The following NCALD variants were observed in gnomAD, a reference collection of about 807,000 sequenced individuals.
NCALD encodes the protein neurocalcin delta.
Under a neutral mutation model 18.6 loss-of-function variants are expected in NCALD, and 10 were observed. The ratio of observed to expected loss-of-function variants is 0.54; its 90% CI spans 0.33 to 0.91. The LOEUF (loss-of-function observed/expected upper bound fraction) is 0.91, where lower values mean the gene tolerates loss of function less well. Among genes scored for constraint, NCALD ranks in the 40% least tolerant of loss-of-function variants. The pLI, the probability that NCALD is intolerant of heterozygous loss-of-function variation, is 0.03. For synonymous variants in NCALD, 88 were observed against 87.4 expected (o/e 1.01, Z -0.04); for missense variants, 184 against 247.6 (o/e 0.74, Z 1.72).
chr8:102,072,457 A>T (rs1824208444), intron 1 of NCALD, among the ~76,000 whole-genome samples: 1 of 152,122 alleles, frequency 6.6e-6, no homozygotes, highest in African/African-American at 2.4e-5. Flanking sequence ...ATAGTCAACC[A>T]TTTTTCAACC....
chr8:101,718,677 C>G (rs1258936147), intron 2 of NCALD, among the ~76,000 whole-genome samples: 3 of 152,172 alleles, frequency 2.0e-5, no homozygotes, highest in Non-Finnish European at 4.4e-5. Context: ...AAGGCTCCCC[C>G]AATCATCTGA....
intron 2 of NCALD, among the ~76,000 whole-genome samples, chr8:101,929,754 C>T (rs1408762694): frequency 6.6e-6 from 1 of 151,928 alleles, no homozygotes; most frequent in Non-Finnish European, 1.5e-5. Flanking sequence ...TATACAAATA[C>T]AGACCTCTTT....
chr8:102,122,948 C>T (rs528735263), intron 1 of NCALD, among the ~76,000 whole-genome samples: 2 of 152,228 alleles, frequency 1.3e-5, no homozygotes, highest in Admixed American at 1.3e-4. Flanking sequence ...ATTTCAGTTT[C>T]TTGAGCCTCC....
At chr8:101,790,651 A>G (rs1469388469) in intron 1 of NCALD, among the ~76,000 whole-genome samples, 1 of 152,198 alleles carries the variant, frequency 6.6e-6, no homozygotes, top group Non-Finnish European at 1.5e-5. Context: ...CAAGACGATT[A>G]TATTTTAACC....
chr8:102,054,561 T>C (rs1823566681), intron 1 of NCALD, among the ~76,000 whole-genome samples: 1 of 152,066 alleles, frequency 6.6e-6, no homozygotes, highest in Non-Finnish European at 1.5e-5. Flanking sequence ...CTTTAGACTT[T>C]AGCTACATCA....
chr8:102,117,445 C>T (rs1052713906), intron 1 of NCALD, among the ~76,000 whole-genome samples: 2 of 152,188 alleles, frequency 1.3e-5, no homozygotes, highest in Non-Finnish European at 2.9e-5. Flanking sequence ...CTACTGTCCT[C>T]GGCATCCGCC....
intron 4 of NCALD, among the ~76,000 whole-genome samples, chr8:101,843,608 GCT>G (rs1814742572): frequency 1.0e-5 from 1 of 96,652 alleles, no homozygotes; most frequent in Non-Finnish European, 1.9e-5. Context: ...AGACAGTCTT[GCT>G]CTGTCACACA....
chr8:102,102,668 C>A (rs1334789216), intron 1 of NCALD, among the ~76,000 whole-genome samples: 1 of 152,200 alleles, frequency 6.6e-6, no homozygotes, highest in African/African-American at 2.4e-5. Context: ...GAGCGTTCTT[C>A]CTCCACTGCC....
chr8:101,712,515 C>T (rs529925182), intron 2 of NCALD, among the ~76,000 whole-genome samples: 117 of 141,162 alleles, frequency 8.3e-4, no homozygotes, highest in Non-Finnish European at 1.4e-3. Flanking sequence ...TCAGGAGACT[C>T]ATCTCACATG....
At chr8:102,051,530 T>C (rs1823459357) in intron 1 of NCALD, among the ~76,000 whole-genome samples, 1 of 152,228 alleles carries the variant, frequency 6.6e-6, no homozygotes, top group Non-Finnish European at 1.5e-5. Context: ...GTTATAAAAA[T>C]ATAAAACTGC....
At chr8:101,745,149 T>A (rs1810375421) in intron 1 of NCALD, among the ~76,000 whole-genome samples, 1 of 151,762 alleles carries the variant, frequency 6.6e-6, no homozygotes, top group Non-Finnish European at 1.5e-5. Flanking sequence ...AAAAAGAAAA[T>A]CCAACAAACC....
intron 2 of NCALD, among the ~76,000 whole-genome samples, chr8:101,971,548 G>T (rs1006071809): frequency 6.6e-6 from 1 of 151,984 alleles, no homozygotes; most frequent in Non-Finnish European, 1.5e-5. Context: ...ACATGCCTTT[G>T]CTTCTCTCTC....
At chr8:102,072,148 T>C (rs373992701) in intron 1 of NCALD, among the ~76,000 whole-genome samples, 9 of 152,112 alleles carry the variant, frequency 5.9e-5, no homozygotes, top group Admixed American at 5.9e-4. Context: ...GATATCCAAA[T>C]AGAAATTAAA....
chr8:101,867,821 C>T (rs1248023287), intron 4 of NCALD, among the ~76,000 whole-genome samples: 1 of 152,122 alleles, frequency 6.6e-6, no homozygotes, highest in African/African-American at 2.4e-5. Context: ...AATGCACCAT[C>T]TCTGAATTTG....
At chr8:102,028,824 A>C (rs1255538877) in intron 1 of NCALD, among the ~76,000 whole-genome samples, 1 of 152,292 alleles carries the variant, frequency 6.6e-6, no homozygotes, top group East Asian at 1.9e-4. Context: ...AAACCAAGAT[A>C]ATTTTGAGAG....
chr8:101,988,802 A>G (rs558581630), intron 2 of NCALD, among the ~76,000 whole-genome samples: 40 of 145,620 alleles, frequency 2.7e-4, no homozygotes, highest in Non-Finnish European at 5.5e-4. Context: ...TTTAGACTCT[A>G]TTTCCCCAGA....
At chr8:101,867,658 G>T (rs1190078371) in intron 4 of NCALD, among the ~76,000 whole-genome samples, 1 of 152,168 alleles carries the variant, frequency 6.6e-6, no homozygotes, top group Non-Finnish European at 1.5e-5. Context: ...ATGGAAAAGG[G>T]TTTATACAAA....
At chr8:101,942,395 T>C (rs528452776) in intron 2 of NCALD, among the ~76,000 whole-genome samples, 2 of 152,340 alleles carry the variant, frequency 1.3e-5, no homozygotes, top group African/African-American at 4.8e-5. Context: ...TATTCTTGCC[T>C]GTGAAGAGAT....
chr8:102,086,912 G>A (rs926165736), intron 1 of NCALD, among the ~76,000 whole-genome samples: 10 of 152,150 alleles, frequency 6.6e-5, no homozygotes, highest in East Asian at 5.8e-4. Flanking sequence ...TGACTTGGTC[G>A]TCCTCACTGC....
Sources: allele counts gnomAD v4.1 joint callset (sites outside exome capture counted in the v4.1 genomes callset), GRCh38; gene constraint gnomAD v4.1.1; transcripts MANE v1.5; gene names NCBI Gene and HGNC (gene_info 2026-07-23, HGNC 2026-07-21).